Variants in RALGAPA2 observed in about 807,000 individuals in gnomAD.
The protein encoded by RALGAPA2 is ral GTPase-activating protein subunit alpha-2.
In RALGAPA2, 139 loss-of-function variants were observed where a neutral mutation model predicts 230.4. The ratio of observed to expected loss-of-function variants is 0.60; its 90% CI spans 0.53 to 0.69. The LOEUF is 0.69. Among genes scored for constraint, RALGAPA2 ranks in the 30% least tolerant of loss-of-function variants. The pLI, the probability that RALGAPA2 is intolerant of heterozygous loss-of-function variation, is 0.00. For missense variants in RALGAPA2, 2,163 were observed against 2,276.0 expected (o/e 0.95, Z 1.01); for synonymous variants, 847 against 837.8 (o/e 1.01, Z -0.19).
At chr20:20,579,097 C>T (rs2064906982) in intron 20 of RALGAPA2, among the ~76,000 whole-genome samples, 1 of 152,092 alleles carries the variant, frequency 6.6e-6, no homozygotes, top group Non-Finnish European at 1.5e-5. Context: ...TTCATATTCA[C>T]AGCCATAATT....
chr20:20,535,940 C>T, intron 25 of RALGAPA2, 137 bp from the exon 26 acceptor site: 2 of 1,345,572 alleles, frequency 1.5e-6, no homozygotes, highest in Non-Finnish European at 1.9e-6. Context: ...GAGTGAGAGC[C>T]TGGGGGGAAG....
chr20:20,571,430 C>A, intron 23 of RALGAPA2, 28 bp downstream of exon 23: 1 of 1,579,356 alleles, frequency 6.3e-7, no homozygotes, highest in Non-Finnish European at 8.6e-7. Context: ...AATTAATGGG[C>A]AATCACAATA....
chr20:20,639,231 C>T (rs2066952559), intron 7 of RALGAPA2, among the ~76,000 whole-genome samples: 1 of 152,310 alleles, frequency 6.6e-6, no homozygotes, highest in East Asian at 1.9e-4. Context: ...AGGATGAACT[C>T]AAGGACAAGA....
Position 20,620,502 on chromosome 20 carries a change from A to T in RALGAPA2, c.1362T>A (p.Asp454Glu). 6.2e-7 allele frequency: 1 copy of T among 1,613,956 alleles called. No homozygotes were observed. The highest frequency in any genetic ancestry group is 8.5e-7 in the Non-Finnish European group (1 of 1,179,826). ...EPDRKDVAQE[D>E]AEKLGFSETD... ...TCTCGGAAAATCCTAATTTTTCAGC[A>T]TCTTCTTGGGCAACATCTTTTCTAT... Residue 454 changes from aspartate (D) to glutamate (E), a missense_variant, in exon 11 of 40, where the codon GAT (aspartate) becomes GAA (glutamate). Physicochemically the swap from Asp to Glu is conservative, Grantham distance 45. Transcript: ENST00000202677.
In RALGAPA2 at chr20:20,483,322, AAC is replaced by A. The variant is rs568779930; in HGVS notation, c.5368-10368_5368-10367del. Among the ~76,000 whole-genome samples, 622 of 152,342 alleles carry A rather than the reference AAC, an allele frequency of 4.1e-3. 5 individuals carry two copies. The highest frequency in any genetic ancestry group is 0.014 in the African/African-American group (596 of 41,584). On this transcript the variant is annotated intron_variant, in intron 36 of 39. Coordinates refer to ENST00000202677, the MANE Select transcript of RALGAPA2 (RefSeq NM_020343.4). ...CAATGTAACTGGTAGGGAATATTGC[AAC>A]AGTGAATTACAAAATAATTTTAGGT...
intron 1 of RALGAPA2, among the ~76,000 whole-genome samples, chr20:20,691,908 C>T (rs550583127): frequency 6.6e-6 from 1 of 152,284 alleles, no homozygotes; most frequent in African/African-American, 2.4e-5. Context: ...GTGGATTCCT[C>T]ATGAACATCC....
At chr20:20,653,120 C>T (rs936669209) in intron 4 of RALGAPA2, among the ~76,000 whole-genome samples, 2 of 135,602 alleles carry the variant, frequency 1.5e-5, no homozygotes, top group South Asian at 2.5e-4. Context: ...CACTTGAACT[C>T]GGGAGGCGGA....
At chr20:20,675,977 T>C (rs1206562260) in intron 3 of RALGAPA2, among the ~76,000 whole-genome samples, 1 of 152,176 alleles carries the variant, frequency 6.6e-6, no homozygotes, top group Non-Finnish European at 1.5e-5. Context: ...TTAAGATGTG[T>C]GTACTCCTCC....
intron 37 of RALGAPA2, among the ~76,000 whole-genome samples, chr20:20,445,755 T>C (rs967089849): frequency 6.6e-6 from 1 of 152,226 alleles, no homozygotes; most frequent in Non-Finnish European, 1.5e-5. Context: ...ATAAATTTAA[T>C]TGCCCAATGT....
At chr20:20,544,169 C>T (rs1170075027) in intron 24 of RALGAPA2, among the ~76,000 whole-genome samples, 1 of 151,944 alleles carries the variant, frequency 6.6e-6, no homozygotes, top group African/African-American at 2.4e-5. Flanking sequence ...CACCTGTAAT[C>T]CCAGCACTTT....
intron 23 of RALGAPA2, among the ~76,000 whole-genome samples, chr20:20,553,604 A>T (rs1479004918): frequency 1.3e-5 from 2 of 152,206 alleles, no homozygotes; most frequent in Non-Finnish European, 2.9e-5. Flanking sequence ...TCACCAGCAG[A>T]ACTGCCATGA....
chr20:20,525,380 G>A (rs955635898), intron 28 of RALGAPA2, among the ~76,000 whole-genome samples: 9 of 152,074 alleles, frequency 5.9e-5, no homozygotes, highest in Non-Finnish European at 1.0e-4. Context: ...CCATTTCAGA[G>A]CACTTTATGT....
chr20:20,539,242 C>T (rs530406873), intron 24 of RALGAPA2, among the ~76,000 whole-genome samples: 1 of 152,152 alleles, frequency 6.6e-6, no homozygotes, highest in Admixed American at 6.5e-5. Context: ...AGCAGGGGTA[C>T]TTCAAACTGG....
intron 36 of RALGAPA2, among the ~76,000 whole-genome samples, chr20:20,491,755 T>C (rs143470687): frequency 7.9e-5 from 12 of 152,252 alleles, no homozygotes; most frequent in African/African-American, 2.4e-4. Context: ...CAAAGAATGA[T>C]TGTGTCAATG....
chr20:20,627,425 C>T (rs939600737), intron 10 of RALGAPA2, among the ~76,000 whole-genome samples: 5 of 152,178 alleles, frequency 3.3e-5, no homozygotes, highest in African/African-American at 4.8e-5. Context: ...TTGGATGGCA[C>T]GTGGGCATTT....
intron 3 of RALGAPA2, among the ~76,000 whole-genome samples, chr20:20,672,180 C>T (rs2068158594): frequency 1.3e-5 from 2 of 152,206 alleles, no homozygotes; most frequent in Non-Finnish European, 2.9e-5. Context: ...CAATCAAGAG[C>T]ATTCCCAGAC....
chr20:20,487,630 TG>T (rs1273261591), intron 36 of RALGAPA2, among the ~76,000 whole-genome samples: 1 of 152,180 alleles, frequency 6.6e-6, no homozygotes, highest in Non-Finnish European at 1.5e-5. Context: ...TTCTCTTGGC[TG>T]GGCACAGTAG....
At chr20:20,616,745 T>C (rs567202595) in intron 12 of RALGAPA2, among the ~76,000 whole-genome samples, 1 of 152,208 alleles carries the variant, frequency 6.6e-6, no homozygotes, top group East Asian at 1.9e-4. Context: ...GACGAAGCCA[T>C]CGACATCACA....
intron 37 of RALGAPA2, among the ~76,000 whole-genome samples, chr20:20,459,618 C>T (rs559141312): frequency 6.6e-6 from 1 of 152,038 alleles, no homozygotes; most frequent in South Asian, 2.1e-4. Context: ...ATGCTGTTCA[C>T]CAAGACCCTT....
Sources: gnomAD v4.1 joint callset for allele counts (sites outside exome capture counted in the v4.1 genomes callset) on GRCh38, gnomAD v4.1.1 for gene constraint, MANE v1.5 for transcripts, NCBI Gene and HGNC (gene_info 2026-07-23, HGNC 2026-07-21) for gene names.